Variants in NLGN1 observed in about 807,000 individuals in gnomAD.
NLGN1 encodes the protein neuroligin-1.
Under a neutral mutation model 65.5 loss-of-function variants are expected in NLGN1, and 12 were observed. That is an observed-to-expected ratio of 0.18 (90% CI 0.12 to 0.30). The LOEUF (loss-of-function observed/expected upper bound fraction) is 0.30, where lower values mean the gene tolerates loss of function less well. Ranked by LOEUF, NLGN1 falls within the 10% of genes least tolerant of loss-of-function variation. The pLI is 1.00. For missense variants in NLGN1, 750 were observed against 1,007.1 expected (o/e 0.74, Z 3.46); for synonymous variants, 350 against 359.5 (o/e 0.97, Z 0.30).
chr3:173,503,404 G>C (rs1429386725), intron 2 of NLGN1, among the ~76,000 whole-genome samples: 2 of 152,006 alleles, frequency 1.3e-5, no homozygotes, highest in East Asian at 1.9e-4. Context: ...ATAAAGGCAT[G>C]ACCCTCTTCT....
At chr3:173,983,914 A>G (rs73184524) in intron 4 of NLGN1, among the ~76,000 whole-genome samples, 87 of 152,290 alleles carry the variant, frequency 5.7e-4, no homozygotes, top group Middle Eastern at 3.4e-3. Flanking sequence ...TTATTCGCTG[A>G]TATATTTGCA....
At chr3:174,052,182 TA>T (rs1160514853) in intron 4 of NLGN1, among the ~76,000 whole-genome samples, 1 of 152,040 alleles carries the variant, frequency 6.6e-6, no homozygotes, top group African/African-American at 2.4e-5. Context: ...GTGAGAAATG[TA>T]AAATGAGGTT....
chr3:173,496,765 A>G (rs1322308734), intron 2 of NLGN1, among the ~76,000 whole-genome samples: 1 of 151,946 alleles, frequency 6.6e-6, no homozygotes, highest in East Asian at 1.9e-4. Flanking sequence ...TTTAAACAGA[A>G]TACACACAAT....
intron 1 of NLGN1, among the ~76,000 whole-genome samples, chr3:173,402,283 C>T (rs919073696): frequency 6.6e-6 from 1 of 152,144 alleles, no homozygotes; most frequent in Non-Finnish European, 1.5e-5. Flanking sequence ...ATAATTCTGA[C>T]TTACAAAGAT....
At chr3:173,769,008 G>A (rs542582302) in intron 3 of NLGN1, among the ~76,000 whole-genome samples, 6 of 151,990 alleles carry the variant, frequency 3.9e-5, no homozygotes, top group Non-Finnish European at 8.8e-5. Flanking sequence ...GGACTCAAGC[G>A]ATCCACCCTA....
intron 4 of NLGN1, among the ~76,000 whole-genome samples, chr3:174,270,111 TGTTG>T (rs1259581997): frequency 7.3e-6 from 1 of 136,662 alleles, no homozygotes; most frequent in African/African-American, 2.8e-5. Context: ...TCTCCCATTC[TGTTG>T]GTTTCCTTTC....
chr3:173,951,089 A>G (rs1748114658), intron 4 of NLGN1, among the ~76,000 whole-genome samples: 1 of 151,738 alleles, frequency 6.6e-6, no homozygotes, highest in South Asian at 2.1e-4. Context: ...CTGGTCTCGA[A>G]CTCCTGACCT....
rs182712956 is a variant in NLGN1, at chr3:174,144,405, A to C, written c.647-130910A>C. On this transcript the variant is annotated intron_variant, in intron 4 of 6. Coordinates refer to ENST00000457714, the Ensembl canonical transcript of NLGN1. The stretch of plus-strand genomic sequence containing the variant: ...GTGCATGTGTCTTTATAGTAGAATG[A>C]TTTATAATCCTTTGGGTATATACCC... Among the ~76,000 whole-genome samples, 20 of 152,274 alleles carry C rather than the reference A, an allele frequency of 1.3e-4. No individual in the cohort carries two copies. In the East Asian group the frequency reaches 3.7e-3, roughly 28 times the overall value.
chr3:173,692,020 ATGT>A (rs1359938959), intron 3 of NLGN1, among the ~76,000 whole-genome samples: 2 of 152,112 alleles, frequency 1.3e-5, no homozygotes, highest in African/African-American at 4.8e-5. Flanking sequence ...GGTATCTTGA[ATGT>A]TGTGGATTTA....
intron 4 of NLGN1, among the ~76,000 whole-genome samples, chr3:173,892,423 A>G (rs576211902): frequency 1.3e-5 from 2 of 152,064 alleles, no homozygotes; most frequent in African/African-American, 4.8e-5. Context: ...TTTTATATAC[A>G]TCATTTCCTT....
At chr3:173,900,156 CTTATAA>C (rs1737068732) in intron 4 of NLGN1, among the ~76,000 whole-genome samples, 1 of 152,070 alleles carries the variant, frequency 6.6e-6, no homozygotes, top group African/African-American at 2.4e-5. Context: ...ATAAAAAGAA[CTTATAA>C]TTATATTGTG....
At chr3:174,166,532 A>G (rs1371770895) in intron 4 of NLGN1, among the ~76,000 whole-genome samples, 1 of 152,066 alleles carries the variant, frequency 6.6e-6, no homozygotes, top group African/African-American at 2.4e-5. Flanking sequence ...TTACTTCACC[A>G]TGGTCCAAGA....
rs553477872 is a variant in NLGN1, at chr3:173,914,349, T to TA, written c.646+106518dup. 3.3e-5 allele frequency among the ~76,000 whole-genome samples: 5 copies of TA among 152,266 alleles called. No individual in the cohort carries two copies. The South Asian group carries it at 1.0e-3, about 32-fold the overall frequency. ...TTGTTTCACAAAAGCCAGCAAGACT[T>TA]ACAGGCTCTGCCTGGTTTGTGGTCA... On this transcript the variant is annotated intron_variant, in intron 4 of 6. Coordinates refer to ENST00000457714, the Ensembl canonical transcript of NLGN1.
intron 4 of NLGN1, among the ~76,000 whole-genome samples, chr3:173,854,018 C>A (rs1301810917): frequency 1.3e-5 from 2 of 151,934 alleles, no homozygotes; most frequent in Non-Finnish European, 2.9e-5. Flanking sequence ...ATATAACACT[C>A]TGATCAAACA....
chr3:173,982,603 A>G (rs988550324), intron 4 of NLGN1, among the ~76,000 whole-genome samples: 1 of 152,138 alleles, frequency 6.6e-6, no homozygotes, highest in African/African-American at 2.4e-5. Context: ...GAGAATATAA[A>G]AGTTTAAGAA....
Position 173,798,070 on chromosome 3 carries a change from C to T in NLGN1, c.494-9610C>T, listed in dbSNP as rs188597489. Among the ~76,000 whole-genome samples the T allele has an allele frequency of 3.9e-5, 6 of 151,984 alleles. No homozygotes were observed. In the South Asian group the frequency reaches 6.2e-4, roughly 16 times the overall value. On this transcript the variant is annotated intron_variant, in intron 3 of 6. Coordinates refer to ENST00000457714, the Ensembl canonical transcript of NLGN1. ...TCAAGAGAGAGCTCTTATAGAGCCC[C>T]GAACAAAATGAAGACAGTGATTTAA...
At chr3:174,201,331 G>A (rs1734426572) in intron 4 of NLGN1, among the ~76,000 whole-genome samples, 1 of 112,444 alleles carries the variant, frequency 8.9e-6, no homozygotes, top group Admixed American at 9.2e-5. Context: ...GCGGGAGGAG[G>A]GAAGGTGGGA....
chr3:173,628,786 T>G (rs1346942041), intron 3 of NLGN1, among the ~76,000 whole-genome samples: 1 of 151,918 alleles, frequency 6.6e-6, no homozygotes, highest in Non-Finnish European at 1.5e-5. Context: ...CTCTGTCTCC[T>G]GGGCTCAAGC....
At chr3:173,995,601 G>GC (rs1722092214) in intron 4 of NLGN1, among the ~76,000 whole-genome samples, 1 of 151,384 alleles carries the variant, frequency 6.6e-6, no homozygotes, top group Admixed American at 6.6e-5. Context: ...GAATTGATCA[G>GC]TCACTCCAAA....
Sources: gnomAD v4.1 joint callset for allele counts (sites outside exome capture counted in the v4.1 genomes callset) on GRCh38, gnomAD v4.1.1 for gene constraint, MANE v1.5 for transcripts, NCBI Gene and HGNC (gene_info 2026-07-23, HGNC 2026-07-21) for gene names.